GOLPH3: variants seen among roughly 807,000 people sequenced by gnomAD.
GOLPH3 encodes the protein coat protein GPP34.
Under a neutral mutation model 28.5 loss-of-function variants are expected in GOLPH3, and 14 were observed. That is an observed-to-expected ratio of 0.49 (90% CI 0.32 to 0.77). GOLPH3 has a LOEUF of 0.77. Among genes scored for constraint, GOLPH3 ranks in the 30% least tolerant of loss-of-function variants. The pLI, the probability that GOLPH3 is intolerant of heterozygous loss-of-function variation, is 0.03. For missense variants in GOLPH3, 350 were observed against 393.7 expected (o/e 0.89, Z 0.94); for synonymous variants, 158 against 159.2 (o/e 0.99, Z 0.06).
At chr5:32,128,711 A>G (rs1745752702) in intron 3 of GOLPH3, among the ~76,000 whole-genome samples, 2 of 152,126 alleles carry the variant, frequency 1.3e-5, no homozygotes, top group South Asian at 4.1e-4. Context: ...ATCCACAAGT[A>G]ACTTAGCTGC....
intron 1 of GOLPH3, among the ~76,000 whole-genome samples, chr5:32,155,947 A>G (rs1746411422): frequency 7.7e-6 from 1 of 129,272 alleles, no homozygotes; most frequent in East Asian, 2.3e-4. Flanking sequence ...CAAGAGTGAA[A>G]CACTGTCTCA....
chr5:32,137,543 C>T (rs568589490), intron 2 of GOLPH3, among the ~76,000 whole-genome samples: 7 of 152,052 alleles, frequency 4.6e-5, no homozygotes, highest in Non-Finnish European at 8.8e-5. Context: ...CCTGTAAACC[C>T]AGCTACTTGG....
At chr5:32,129,707 TCCAGCAGGATTCA>T in intron 3 of GOLPH3, among the ~76,000 whole-genome samples, 1 of 152,234 alleles carries the variant, frequency 6.6e-6, no homozygotes, top group East Asian at 1.9e-4. Flanking sequence ...AATCTCGAAA[TCCAGCAGGATTCA>T]CCACATCCTA....
At chr5:32,164,674 G>A (rs1297712757) in intron 1 of GOLPH3, among the ~76,000 whole-genome samples, 1 of 151,794 alleles carries the variant, frequency 6.6e-6, no homozygotes. Flanking sequence ...GGATTACAGG[G>A]GTGAGCTACC....
At chr5:32,170,909 GA>G (rs1746818629) in intron 1 of GOLPH3, among the ~76,000 whole-genome samples, 1 of 151,216 alleles carries the variant, frequency 6.6e-6, no homozygotes, top group Non-Finnish European at 1.5e-5. Flanking sequence ...AAAAAAAAGA[GA>G]AAAAATTTCC....
chr5:32,173,728 C>CGCTCACCTGGCACCTACCTGGA (rs1561691793), intron 1 of GOLPH3, 82 bp downstream of exon 1: 5 of 1,007,126 alleles, frequency 5.0e-6, no homozygotes, highest in Admixed American at 4.4e-5. Context: ...AAGCCTCGGG[C>CGCTCACCTGGCACCTACCTGGA]GCTCACCTGG....
intron 1 of GOLPH3, among the ~76,000 whole-genome samples, chr5:32,167,449 G>A (rs1293436032): frequency 2.0e-5 from 3 of 152,126 alleles, no homozygotes; most frequent in Non-Finnish European, 4.4e-5. Context: ...TGGGATTACA[G>A]GTGTGAGCCA....
chr5:32,137,745 G>T (rs190586179), intron 2 of GOLPH3, among the ~76,000 whole-genome samples: 2 of 152,160 alleles, frequency 1.3e-5, no homozygotes, highest in Non-Finnish European at 2.9e-5. Context: ...ATGTTACACC[G>T]CTGTAGACAA....
At chr5:32,156,010 C>T (rs1280454698) in intron 1 of GOLPH3, among the ~76,000 whole-genome samples, 1 of 126,564 alleles carries the variant, frequency 7.9e-6, no homozygotes, top group African/African-American at 2.8e-5. Context: ...TAACCCCCAA[C>T]AGGGTCTCTG....
At chr5:32,146,690 G>GAT (rs1170351714) in intron 1 of GOLPH3, among the ~76,000 whole-genome samples, 1 of 152,084 alleles carries the variant, frequency 6.6e-6, no homozygotes, top group Non-Finnish European at 1.5e-5. Flanking sequence ...TCATAACAGG[G>GAT]ATATAACCGG....
intron 1 of GOLPH3, 78 bp downstream of exon 1, chr5:32,173,732 C>T (rs1403012981): frequency 9.4e-7 from 1 of 1,068,320 alleles, no homozygotes; most frequent in African/African-American, 1.7e-5. Context: ...CTCGGGCGCT[C>T]ACCTGGCACC....
chr5:32,135,806 T>C (rs1745918858), intron 2 of GOLPH3, 120 bp from the exon 3 acceptor site: 1 of 632,670 alleles, frequency 1.6e-6, no homozygotes, highest in Non-Finnish European at 2.8e-6. Context: ...CAAGCTTTCA[T>C]GTAGTATCAA....
chr5:32,133,684 C>A (rs1745873060), intron 3 of GOLPH3, among the ~76,000 whole-genome samples: 1 of 152,208 alleles, frequency 6.6e-6, no homozygotes, highest in Non-Finnish European at 1.5e-5. Flanking sequence ...CACTGACAGG[C>A]ATACATGGGA....
chr5:32,142,993 T>C lies in GOLPH3; in HGVS notation c.357+756A>G, dbSNP rs577994343. Among the ~76,000 whole-genome samples the C allele has an allele frequency of 3.9e-3, 595 of 151,642 alleles. 7 individuals are homozygous for C. The highest frequency in any genetic ancestry group is 0.013 in the African/African-American group (544 of 41,258). On this transcript the variant is annotated intron_variant, in intron 2 of 3. Coordinates refer to ENST00000265070, the MANE Select transcript of GOLPH3 (RefSeq NM_022130.4). ...GAACGGGCCATGATGACAAGGGCGG[T>C]TTTGTGGAATAGAAAGTGGGGAAAG...
intron 1 of GOLPH3, among the ~76,000 whole-genome samples, chr5:32,173,390 G>A (rs1561691421): frequency 6.6e-6 from 1 of 151,804 alleles, no homozygotes. Flanking sequence ...ACCCCTCCCA[G>A]GTCCTAAAGC....
chr5:32,163,926 A>T (rs1746649481), intron 1 of GOLPH3, among the ~76,000 whole-genome samples: 1 of 152,226 alleles, frequency 6.6e-6, no homozygotes. Context: ...TTTCCATTTA[A>T]GAAACTGGAA....
chr5:32,129,194 A>C (rs1581535761), intron 3 of GOLPH3, among the ~76,000 whole-genome samples: 5 of 152,072 alleles, frequency 3.3e-5, no homozygotes, highest in Admixed American at 3.3e-4. Flanking sequence ...AACAAAAACA[A>C]AAAAACCCCC....
intron 1 of GOLPH3, among the ~76,000 whole-genome samples, chr5:32,149,101 T>C (rs1258115754): frequency 1.3e-5 from 2 of 152,240 alleles, no homozygotes; most frequent in African/African-American, 4.8e-5. Flanking sequence ...GGCATGGCAC[T>C]GGAGCTGTAC....
Position 32,173,927 on chromosome 5 carries a change from G to C in GOLPH3, c.108C>G (p.Ser36Arg), listed in dbSNP as rs1159976781. Reference sequence around the variant, plus strand: ...CGCGGCGGCTCTGCGCGTCGTCCTCGCTGCTGCCGGCGCCGCCGCCCGCCG... The same window carrying C: ...CGCGGCGGCTCTGCGCGTCGTCCTCCCTGCTGCCGGCGCCGCCGCCCGCCG... ...ERAAGGGAGS[S>R]EDDAQSRRDE... The change falls in exon 1 of 4, where the codon AGC (serine) becomes AGG (arginine). Residue 36 changes from serine to arginine, a missense_variant. Physicochemically the swap from Ser to Arg is moderately radical, Grantham distance 110. Transcript: ENST00000265070. The C allele has an allele frequency of 6.7e-7, 1 of 1,490,818 alleles. No homozygotes were observed. The highest frequency in any genetic ancestry group is 1.3e-5 in the South Asian group (1 of 77,868). 92.3% of individuals were successfully genotyped at this position (1,490,818 alleles called of 1,614,324 possible).
Sources: gnomAD v4.1 joint callset for allele counts (sites outside exome capture counted in the v4.1 genomes callset) on GRCh38, gnomAD v4.1.1 for gene constraint, MANE v1.5 for transcripts, NCBI Gene and HGNC (gene_info 2026-07-23, HGNC 2026-07-21) for gene names.